Variants in IL1RAPL2 observed in about 807,000 individuals in gnomAD.
IL1RAPL2 encodes interleukin 1 receptor accessory protein like 2.
A neutral mutation model predicts 44.1 loss-of-function variants in IL1RAPL2; 3 were observed. The observed-to-expected ratio is 0.07, with a 90% CI of 0.03 to 0.18. The LOEUF is 0.18. Ranked by LOEUF, IL1RAPL2 falls within the 10% of genes least tolerant of loss-of-function variation. The pLI is 1.00. For missense variants in IL1RAPL2, 391 were observed against 496.4 expected (o/e 0.79, Z 2.02); for synonymous variants, 181 against 178.8 (o/e 1.01, Z -0.10).
chrX:105,659,638 CAG>C (rs2037704776), intron 6 of IL1RAPL2, among the ~76,000 whole-genome samples: 1 of 106,484 alleles, frequency 9.4e-6, no homozygotes, highest in Admixed American at 1.0e-4. Context: ...GCCTGGGCGA[CAG>C]AGTGAGACTC....
intron 2 of IL1RAPL2, among the ~76,000 whole-genome samples, chrX:104,769,649 C>T (rs963324668): frequency 8.9e-6 from 1 of 111,902 alleles, no homozygotes; most frequent in East Asian, 2.8e-4. Context: ...AGGCTTCAAA[C>T]GTGTTCAACT....
At chrX:104,855,001 T>G (rs1316180363) in intron 2 of IL1RAPL2, among the ~76,000 whole-genome samples, 2 of 112,199 alleles carry the variant, frequency 1.8e-5, no homozygotes, top group Non-Finnish European at 1.9e-5. Flanking sequence ...ATGTGGTTCC[T>G]CAGTGGAAAG....
rs982512111 is a variant in IL1RAPL2, at chrX:105,150,807, G to A, written c.83-44668G>A. ...CAAATGTTGAAGTAAATCACCACAC[G>A]TGACAAACAGACCTTAAATCATTTG... On this transcript the variant is annotated intron_variant, in intron 2 of 10. Transcript: ENST00000372582. 5.4e-5 allele frequency among the ~76,000 whole-genome samples: 6 copies of A among 111,552 alleles called. No homozygotes were observed. In the East Asian group the frequency reaches 1.4e-3, roughly 26 times the overall value.
At chrX:104,830,670 C>A (rs1386938879) in intron 2 of IL1RAPL2, among the ~76,000 whole-genome samples, 2 of 111,650 alleles carry the variant, frequency 1.8e-5, no homozygotes, top group African/African-American at 6.5e-5. Context: ...TTAAGCTCTT[C>A]CATTTATTAT....
At chrX:105,378,991 A>G (rs2035408711) in intron 5 of IL1RAPL2, among the ~76,000 whole-genome samples, 1 of 111,697 alleles carries the variant, frequency 9.0e-6, no homozygotes, top group Non-Finnish European at 1.9e-5. Context: ...TACTTGTATG[A>G]CCTAGAGATT....
chrX:105,575,601 C>A (rs1487543285), intron 6 of IL1RAPL2, among the ~76,000 whole-genome samples: 1 of 112,018 alleles, frequency 8.9e-6, no homozygotes, highest in Non-Finnish European at 1.9e-5. Context: ...AATTCCATGT[C>A]TTTGCTATTG....
intron 2 of IL1RAPL2, among the ~76,000 whole-genome samples, chrX:104,891,443 C>A (rs1038672022): frequency 1.8e-5 from 2 of 111,966 alleles, no homozygotes; most frequent in Non-Finnish European, 3.8e-5. Context: ...ATGGAATGTT[C>A]TTCCATTTGT....
At chrX:105,163,711 G>A (rs1468658581) in intron 2 of IL1RAPL2, among the ~76,000 whole-genome samples, 1 of 111,415 alleles carries the variant, frequency 9.0e-6, no homozygotes, top group Non-Finnish European at 1.9e-5. Flanking sequence ...TCTTGAGAGT[G>A]TATGGCTGAA....
intron 6 of IL1RAPL2, among the ~76,000 whole-genome samples, chrX:105,496,192 G>A (rs2036355659): frequency 8.9e-6 from 1 of 111,876 alleles, no homozygotes; most frequent in Non-Finnish European, 1.9e-5. Context: ...GAGTTATCCT[G>A]CCATTCCAGA....
intron 6 of IL1RAPL2, among the ~76,000 whole-genome samples, chrX:105,519,062 AG>A (rs1478030846): frequency 8.9e-6 from 1 of 111,934 alleles, no homozygotes; most frequent in Non-Finnish European, 1.9e-5. Flanking sequence ...GATTTTCCCA[AG>A]AACCCACAAG....
At chrX:105,428,413 A>G (rs761393602) in intron 5 of IL1RAPL2, among the ~76,000 whole-genome samples, 1 of 111,500 alleles carries the variant, frequency 9.0e-6, no homozygotes, top group East Asian at 2.9e-4. Context: ...TGCATTGACA[A>G]TCTCAGAAAC....
Position 105,235,194 on chromosome X carries a change from A to G in IL1RAPL2, c.543+1190A>G, listed in dbSNP as rs1468788335. ...TTCTGAGCATAGAGTAGAGCAGACA[A>G]GCGTGGATAATTGGATCTAGGGGAA... is the stretch of plus-strand genomic sequence containing the variant. On this transcript the variant is annotated intron_variant, in intron 4 of 10. Transcript: ENST00000372582. Among the ~76,000 whole-genome samples, 9 of 111,999 alleles carry G rather than the reference A, an allele frequency of 8.0e-5. No homozygotes were observed. The Admixed American group carries it at 8.5e-4, about 11-fold the overall frequency.
intron 2 of IL1RAPL2, among the ~76,000 whole-genome samples, chrX:104,938,647 G>A (rs1925084194): frequency 9.7e-6 from 1 of 103,038 alleles, no homozygotes. Flanking sequence ...GGTTCATTAA[G>A]TGCTAATATT....
Position 105,654,379 on chromosome X carries a change from T to C in IL1RAPL2, c.773-62988T>C, listed in dbSNP as rs545255448. 3.6e-5 allele frequency among the ~76,000 whole-genome samples: 4 copies of C among 111,392 alleles called. No homozygotes were observed. The South Asian group carries it at 1.5e-3, about 41-fold the overall frequency. Reference sequence around the variant, plus strand: ...AGGCTCAACTTCTACTTTTCTTTTATCCCCTTTAATCTCTTACCTTAGCCT... The same window carrying C: ...AGGCTCAACTTCTACTTTTCTTTTACCCCCTTTAATCTCTTACCTTAGCCT... On this transcript the variant is annotated intron_variant, in intron 6 of 10. Transcript: ENST00000372582.
chrX:105,038,234 T>C (rs997773520), intron 2 of IL1RAPL2, among the ~76,000 whole-genome samples: 3 of 111,066 alleles, frequency 2.7e-5, no homozygotes, highest in African/African-American at 9.8e-5. Context: ...CCAATGACCA[T>C]CATTTTGCAA....
chrX:104,660,074 A>T (rs1930359982), intron 2 of IL1RAPL2, among the ~76,000 whole-genome samples: 2 of 111,768 alleles, frequency 1.8e-5, no homozygotes, highest in African/African-American at 3.2e-5. Flanking sequence ...AGTGATAAAG[A>T]TAGGGCAATA....
At chrX:104,905,899 T>A (rs1281024030) in intron 2 of IL1RAPL2, among the ~76,000 whole-genome samples, 1 of 110,569 alleles carries the variant, frequency 9.0e-6, no homozygotes, top group Non-Finnish European at 1.9e-5. Flanking sequence ...TTGGGCAGTA[T>A]GGCCATTTTC....
chrX:104,776,476 T>C (rs1932721776), intron 2 of IL1RAPL2, among the ~76,000 whole-genome samples: 1 of 111,872 alleles, frequency 8.9e-6, no homozygotes, highest in Admixed American at 9.5e-5. Flanking sequence ...TCAGTCTCCT[T>C]GTCTAAAAAA....
At chrX:104,568,973 T>C (rs889355983) in intron 1 of IL1RAPL2, among the ~76,000 whole-genome samples, 1 of 112,002 alleles carries the variant, frequency 8.9e-6, no homozygotes, top group Admixed American at 9.5e-5. Flanking sequence ...CTGCAATTAC[T>C]GAGGTGGAAG....
Sources: gnomAD v4.1 joint callset for allele counts (sites outside exome capture counted in the v4.1 genomes callset) on GRCh38, gnomAD v4.1.1 for gene constraint, MANE v1.5 for transcripts, NCBI Gene and HGNC (gene_info 2026-07-23, HGNC 2026-07-21) for gene names.